The following AKAP11 variants were observed in gnomAD, a reference collection of about 807,000 sequenced individuals.
AKAP11 encodes A-kinase anchoring protein 11.
In AKAP11, 36 loss-of-function variants were observed where a neutral mutation model predicts 146.1. The observed-to-expected ratio is 0.25, with a 90% confidence interval of 0.19 to 0.33. The LOEUF is 0.33. Ranked by LOEUF, AKAP11 falls within the 10% of genes least tolerant of loss-of-function variation. The pLI is 1.00. For missense variants in AKAP11, 2,201 were observed against 2,197.0 expected (o/e 1.00, Z -0.04); for synonymous variants, 780 against 786.5 (o/e 0.99, Z 0.14).
At chr13:42,298,502 ATTG>A (rs747584145) in intron 6 of AKAP11, 28 bp from the exon 7 acceptor site, 46 of 1,598,550 alleles carry the variant, frequency 2.9e-5, no homozygotes, top group Non-Finnish European at 3.7e-5. Flanking sequence ...TGAAATTAAA[ATTG>A]TTTTTATTAT....
At chr13:42,276,076 C>T (rs1958909918) in intron 1 of AKAP11, among the ~76,000 whole-genome samples, 1 of 152,128 alleles carries the variant, frequency 6.6e-6, no homozygotes. Context: ...GTCCTGGAAC[C>T]CTTTATCATG....
chr13:42,318,850 C>T (rs1960952113), intron 12 of AKAP11, among the ~76,000 whole-genome samples: 1 of 152,078 alleles, frequency 6.6e-6, no homozygotes, highest in Admixed American at 6.6e-5. Context: ...AGCTCTGTCT[C>T]CAGCGATCCC....
At chr13:42,313,963 G>A (rs1435159139) in intron 11 of AKAP11, 23 bp downstream of exon 11, 1 of 1,612,060 alleles carries the variant, frequency 6.2e-7, no homozygotes, top group South Asian at 1.1e-5. Flanking sequence ...GTTTTTCAAA[G>A]TGTTGGCATG....
At chr13:42,278,062 A>G (rs1958970667) in intron 1 of AKAP11, among the ~76,000 whole-genome samples, 1 of 152,182 alleles carries the variant, frequency 6.6e-6, no homozygotes, top group South Asian at 2.1e-4. Context: ...GGTAGAGGCC[A>G]AGGAAGCTGC....
chr13:42,281,470 G>GGCAT (rs1288115179), intron 1 of AKAP11, among the ~76,000 whole-genome samples: 1 of 152,096 alleles, frequency 6.6e-6, no homozygotes, highest in African/African-American at 2.4e-5. Context: ...TTCACAGACT[G>GGCAT]GCATAGTTAA....
chr13:42,293,776 T>C (rs575194870), intron 4 of AKAP11, among the ~76,000 whole-genome samples: 144 of 152,334 alleles, frequency 9.5e-4, no homozygotes, highest in Non-Finnish European at 1.8e-3. Context: ...CTATGCCAGC[T>C]TATTTTCTCT....
Position 42,287,450 on chromosome 13 carries a change from A to AT in AKAP11, c.51+1058dup, listed in dbSNP as rs531595270. ...AGGTGCCCGCCACCACACCTGGCTAATTTTTTTGTATTTTTAGTAGAGACG... is the reference window on the plus strand; with the variant it reads ...AGGTGCCCGCCACCACACCTGGCTAATTTTTTTTGTATTTTTAGTAGAGACG... On this transcript the variant is annotated intron_variant, in intron 3 of 12. Transcript: ENST00000025301. Among the ~76,000 whole-genome samples, 523 of 151,804 alleles carry AT rather than the reference A, an allele frequency of 3.4e-3. 1 individual carries two copies. Among genetic ancestry groups the AT allele is most frequent in the Middle Eastern group, 0.01 (3 of 294 alleles).
At chr13:42,297,265 T>A (rs757336898) in intron 6 of AKAP11, 83 bp downstream of exon 6, 4 of 1,069,174 alleles carry the variant, frequency 3.7e-6, no homozygotes, top group Non-Finnish European at 3.8e-6. Flanking sequence ...TTTTAAATGC[T>A]TGGATGACAT....
Position 42,303,151 on chromosome 13 carries a change from G to T in AKAP11, c.4405G>T (p.Ala1469Ser). The T allele has an allele frequency of 6.2e-7, 1 of 1,614,174 alleles. No homozygotes were observed. The highest frequency in any genetic ancestry group is 8.5e-7 in the Non-Finnish European group (1 of 1,180,028). Residue 1469 changes from alanine to serine, a missense_variant, in exon 8 of 13, where the codon GCT becomes TCT. Around this residue, in one of 3 missense-constraint regions of AKAP11, gnomAD observed 1,867 missense variants for 1,833.5 expected, o/e 1.02. Coordinates refer to ENST00000025301, the MANE Select transcript of AKAP11 (RefSeq NM_016248.4). ...TCTGGTTCACAGCATAACAAAAGAT[G>T]CTAAGGAAGAGTTGACAGCCTCTCT... ...TSLVHSITKD[A>S]KEELTASLVG...
Position 42,297,059 on chromosome 13 carries a change from A to T in AKAP11, c.228A>T (p.Ala76=), listed in dbSNP as rs377075356. 9.4e-6 allele frequency: 15 copies of T among 1,591,124 alleles called. No homozygotes were observed. The African/African-American group carries it at 2.0e-4, about 22-fold the overall frequency. ...TDAAHIQDLA[A]VSLELPDILN... is the part of the protein sequence containing the mutation. Reference sequence around the variant, plus strand: ...TTATTTTAAATCAGGATTTAGCTGCAGTTTCTTTGGAACTTCCAGATATTC... The same window carrying T: ...TTATTTTAAATCAGGATTTAGCTGCTGTTTCTTTGGAACTTCCAGATATTC... Residue 76 remains alanine (A), a synonymous_variant, in exon 6 of 13, where the codon GCA becomes GCT. Transcript: ENST00000025301.
intron 1 of AKAP11, among the ~76,000 whole-genome samples, chr13:42,282,427 A>C (rs1959082658): frequency 6.6e-6 from 1 of 152,020 alleles, no homozygotes; most frequent in Admixed American, 6.5e-5. Flanking sequence ...GATTATTTTC[A>C]GTTTTTTCAT....
intron 3 of AKAP11, among the ~76,000 whole-genome samples, chr13:42,290,649 C>T (rs566048760): frequency 1.3e-5 from 2 of 152,286 alleles, no homozygotes; most frequent in South Asian, 4.1e-4. Context: ...AATGGACTCA[C>T]AGATTTTTTT....
intron 1 of AKAP11, among the ~76,000 whole-genome samples, chr13:42,279,751 A>G (rs568385345): frequency 6.6e-6 from 1 of 151,152 alleles, no homozygotes; most frequent in Admixed American, 6.6e-5. Context: ...GGTAATTTTT[A>G]TTGTATGCCA....
intron 1 of AKAP11, among the ~76,000 whole-genome samples, chr13:42,279,108 G>A (rs1336348091): frequency 6.6e-6 from 1 of 151,878 alleles, no homozygotes; most frequent in Non-Finnish European, 1.5e-5. Context: ...GTTATGATTT[G>A]CCTTGGCTTT....
intron 9 of AKAP11, 138 bp from the exon 10 acceptor site, chr13:42,312,906 TCTC>T (rs1318537643): frequency 8.9e-6 from 6 of 671,722 alleles, no homozygotes; most frequent in Non-Finnish European, 1.3e-5. Flanking sequence ...TGATGGTCAA[TCTC>T]CTCTCTGGAT....
intron 1 of AKAP11, among the ~76,000 whole-genome samples, chr13:42,275,243 T>C (rs1222226021): frequency 6.6e-6 from 1 of 152,212 alleles, no homozygotes; most frequent in African/African-American, 2.4e-5. Flanking sequence ...TTAAAGCTCT[T>C]GGTTTCCACT....
Position 42,319,654 on chromosome 13 carries a change from A to G in AKAP11, c.*426A>G, listed in dbSNP as rs1566297947. 1 of 153,744 alleles carries G rather than the reference A, an allele frequency of 6.5e-6. No homozygotes were observed. Among genetic ancestry groups the G allele is most frequent in the Non-Finnish European group, 1.5e-5 (1 of 68,830 alleles). 9.5% of individuals were successfully genotyped at this position (153,744 alleles called of 1,614,324 possible). A position where few individuals can be genotyped will look rare whatever the true frequency, so the allele number is the denominator to read the frequency against. On this transcript the variant is annotated 3_prime_UTR_variant, in exon 13 of 13. Transcript: ENST00000025301. ...TGGTATCTAATTAATAACTAGTCTG[A>G]CATCAGAAAATAAAATTGAGGCTGA...
rs1961054167 is a variant in AKAP11 at position 42,320,726 on chromosome 13, C to T, written c.*1498C>T. 2 of 152,172 alleles carry T rather than the reference C, an allele frequency of 1.3e-5. No homozygotes were observed. The highest frequency in any genetic ancestry group is 1.3e-4 in the Admixed American group (2 of 15,252). 9.4% of individuals were successfully genotyped at this position (152,172 alleles called of 1,614,324 possible). A position where few individuals can be genotyped will look rare whatever the true frequency, so the allele number is the denominator to read the frequency against. The stretch of plus-strand genomic sequence containing the variant: ...TCATTTTTTCTGAGCACTGACTGTT[C>T]TGAAAGCTGCACAAAACGTAGAAAG... On this transcript the variant is annotated 3_prime_UTR_variant, in exon 13 of 13. Coordinates refer to ENST00000025301, the MANE Select transcript of AKAP11 (RefSeq NM_016248.4).
chr13:42,283,445 A>G (rs776453777), intron 1 of AKAP11, among the ~76,000 whole-genome samples: 5 of 152,194 alleles, frequency 3.3e-5, no homozygotes, highest in Non-Finnish European at 7.3e-5. Flanking sequence ...CGCAGATCCC[A>G]TACTGAATTC....
Sources: allele counts gnomAD v4.1 joint callset (sites outside exome capture counted in the v4.1 genomes callset), GRCh38; gene constraint gnomAD v4.1.1; regional missense constraint gnomAD v4.1.1; transcripts MANE v1.5; gene names NCBI Gene and HGNC (gene_info 2026-07-23, HGNC 2026-07-21).